BTD: variants seen among roughly 807,000 people sequenced by gnomAD.
BTD encodes the protein biotinidase.
BTD carries 13 observed loss-of-function variants against 17.7 expected under a neutral mutation model. The observed-to-expected ratio is 0.74, with a 90% CI of 0.48 to 1.17. BTD has a LOEUF of 1.17. Among genes scored for constraint, BTD ranks in the 50% most tolerant of loss-of-function variants. The probability of loss-of-function intolerance (pLI) is 0.00; values close to 1 mark genes in which losing one functional copy is unlikely to be tolerated. For missense variants in BTD, 674 were observed against 650.4 expected (o/e 1.04, Z -0.39); for synonymous variants, 240 against 245.2 (o/e 0.98, Z 0.20).
At chr3:15,700,188 G>A (rs2070342025) in intron 3 of BTD, among the ~76,000 whole-genome samples, 1 of 152,098 alleles carries the variant, frequency 6.6e-6, no homozygotes, top group Non-Finnish European at 1.5e-5. Flanking sequence ...TGAACAAGGA[G>A]AACACATGGA....
chr3:15,679,974 G>C (rs1575111556), intron 3 of BTD, among the ~76,000 whole-genome samples: 1 of 152,106 alleles, frequency 6.6e-6, no homozygotes, highest in Non-Finnish European at 1.5e-5. Flanking sequence ...AAGTATAGCA[G>C]AGAATGTGCA....
In BTD at chr3:15,644,853, A is replaced by C; in HGVS notation, c.937A>C (p.Ile313Leu). Residue 313 changes from isoleucine (I) to leucine (L), a missense_variant, in exon 4 of 4, where the codon ATA becomes CTA. Ile to Leu is a conservative substitution (Grantham distance 5). Coordinates refer to ENST00000643237, the MANE Select transcript of BTD (RefSeq NM_001370658.1). ...HDMENPKSHL[I>L]IAQVAKNPVG... ...CATGGAAAATCCCAAAAGTCACCTT[A>C]TAATTGCCCAGGTGGCCAAAAATCC... The C allele has an allele frequency of 2.5e-6, 4 of 1,614,238 alleles. No homozygotes were observed. The highest frequency in any genetic ancestry group is 3.4e-6 in the Non-Finnish European group (4 of 1,180,044).
intron 3 of BTD, chr3:15,685,143 A>G: frequency 3.4e-6 from 5 of 1,460,028 alleles, no homozygotes; most frequent in Non-Finnish European, 4.8e-6. Context: ...CTAATTTTAA[A>G]CTTAAAATTT....
chr3:15,620,588 C>T (rs938970355), intron 1 of BTD, among the ~76,000 whole-genome samples: 3 of 152,180 alleles, frequency 2.0e-5, no homozygotes, highest in Non-Finnish European at 2.9e-5. Flanking sequence ...TCAATTTGTA[C>T]AGTTAGCACA....
At chr3:15,694,344 A>G (rs2069219517) in intron 3 of BTD, among the ~76,000 whole-genome samples, 1 of 152,150 alleles carries the variant, frequency 6.6e-6, no homozygotes, top group Non-Finnish European at 1.5e-5. Context: ...AAAGTAAGCA[A>G]AAAATTGTAG....
chr3:15,670,439 T>G, intron 3 of BTD: 4 of 1,613,932 alleles, frequency 2.5e-6, no homozygotes, highest in Non-Finnish European at 3.4e-6. Context: ...GTTAATGGCA[T>G]TGAATGTTAA....
chr3:15,636,327 A>G (rs1435998417), intron 2 of BTD, among the ~76,000 whole-genome samples: 3 of 152,208 alleles, frequency 2.0e-5, no homozygotes, highest in Non-Finnish European at 4.4e-5. Flanking sequence ...TCGCCCAGAT[A>G]GAACTGACCC....
At chr3:15,697,309 T>G (rs967935719) in intron 3 of BTD, 1 of 152,912 alleles carries the variant, frequency 6.5e-6, no homozygotes, top group African/African-American at 2.4e-5. Context: ...GTACCCAATA[T>G]GTAGTCTTTT....
chr3:15,616,490 C>T (rs1185151561), intron 1 of BTD, among the ~76,000 whole-genome samples: 3 of 152,042 alleles, frequency 2.0e-5, no homozygotes, highest in Admixed American at 6.5e-5. Flanking sequence ...GTGGCAGGCG[C>T]CTGTAATCCC....
At position 15,653,033 on chromosome 3, in the gene BTD, G is replaced by A. The variant is rs575974451; in HGVS notation, c.*7545G>A. Among the ~76,000 whole-genome samples the A allele has an allele frequency of 9.2e-5, 14 of 152,308 alleles. No individual in the cohort carries two copies. In the South Asian group the frequency reaches 1.2e-3, roughly 14 times the overall value. On this transcript the variant is annotated 3_prime_UTR_variant, in exon 4 of 4. Transcript: ENST00000643237. ...CAGTGGCCAGGAAAACCTCCTGCCC[G>A]CAGAATTTTGTCTAATCCACCCCAG...
chr3:15,642,607 A>G (rs1314259525), intron 3 of BTD, among the ~76,000 whole-genome samples: 1 of 151,502 alleles, frequency 6.6e-6, no homozygotes, highest in Non-Finnish European at 1.5e-5. Flanking sequence ...GGCACCCACC[A>G]CCACGCCCGG....
At position 15,649,990 on chromosome 3, in the gene BTD, T is replaced by C. The variant is rs549977693; in HGVS notation, c.*4502T>C. Among the ~76,000 whole-genome samples, 7 of 152,352 alleles carry C rather than the reference T, an allele frequency of 4.6e-5. No homozygotes were observed. Among genetic ancestry groups the C allele is most frequent in the African/African-American group, 1.7e-4 (7 of 41,588 alleles). Reference sequence around the variant, plus strand: ...AAACTGACAGAGAGATATTAATGAATTGCCCACATGCAAATATGTGCTGAG... The same window carrying C: ...AAACTGACAGAGAGATATTAATGAACTGCCCACATGCAAATATGTGCTGAG... On this transcript the variant is annotated 3_prime_UTR_variant, in exon 4 of 4. Transcript: ENST00000643237.
At chr3:15,710,893 A>G (rs1292744563) in exon 4 of BTD, among the ~76,000 whole-genome samples, 1 of 152,144 alleles carries the variant, frequency 6.6e-6, no homozygotes, top group Non-Finnish European at 1.5e-5. Flanking sequence ...GAATATTCCC[A>G]GTATTTTGAT....
Position 15,645,038 on chromosome 3 carries a change from T to C in BTD, c.1122T>C (p.Phe374=). 1 of 1,614,214 alleles carries C rather than the reference T, an allele frequency of 6.2e-7. No homozygotes were observed. The highest frequency in any genetic ancestry group is 8.5e-7 in the Non-Finnish European group (1 of 1,180,040). The change falls in exon 4 of 4, where the codon TTT becomes TTC. Residue 374 remains phenylalanine (F), a synonymous_variant. Transcript: ENST00000643237. ...GGAACGTGAATGCTCCTCCCACATT[T>C]CACTCTGAGATGATGTATGACAATT... The part of the protein sequence containing the change: ...TKWNVNAPPT[F]HSEMMYDNFT...
chr3:15,659,685 AG>A (rs1301987346), intron 3 of BTD, among the ~76,000 whole-genome samples: 17 of 152,350 alleles, frequency 1.1e-4, no homozygotes, highest in Admixed American at 1.0e-3. Context: ...ATGACCATGT[AG>A]ATTAGGGAAC....
intron 1 of BTD, 170 bp downstream of exon 1, chr3:15,602,064 A>C: frequency 6.9e-7 from 1 of 1,448,358 alleles, no homozygotes; most frequent in Non-Finnish European, 9.1e-7. Context: ...CTGCTGTGCT[A>C]CCGCGTTGCG....
In BTD at chr3:15,686,196, T is replaced by G. The variant is rs201672117; in HGVS notation, c.400-23864T>G. ...GTTTTCGAAATACGCCCTTCTGTGA[T>G]GCAACAATTATTTATCGAAACTTAC... On this transcript the variant is annotated intron_variant, in intron 3 of 3. Coordinates refer to the BTD transcript ENST00000672141. 8.1e-5 allele frequency: 128 copies of G among 1,589,402 alleles called. No homozygotes were observed. The African/African-American group carries it at 1.6e-3, about 19-fold the overall frequency.
At chr3:15,630,897 C>T (rs1282265552) in intron 1 of BTD, among the ~76,000 whole-genome samples, 2 of 152,120 alleles carry the variant, frequency 1.3e-5, no homozygotes, top group Non-Finnish European at 2.9e-5. Flanking sequence ...TGTGGAGCTT[C>T]TTGTTCCAGG....
chr3:15,671,206 C>T lies in BTD; in HGVS notation c.399+29149C>T, dbSNP rs555865347. On this transcript the variant is annotated intron_variant, in intron 3 of 3. Transcript: ENST00000672141. The stretch of plus-strand genomic sequence containing the variant: ...CAAATATTTCCTTTGTAAATATTCC[C>T]TTTTTTTAAGCGGAAGACAACTGAC... Among the ~76,000 whole-genome samples the T allele has an allele frequency of 7.9e-5, 12 of 152,178 alleles. No individual in the cohort carries two copies. In the East Asian group the frequency reaches 2.1e-3, roughly 27 times the overall value.
Sources: gnomAD v4.1 joint callset for allele counts (sites outside exome capture counted in the v4.1 genomes callset) on GRCh38, gnomAD v4.1.1 for gene constraint, MANE v1.5 for transcripts, NCBI Gene and HGNC (gene_info 2026-07-23, HGNC 2026-07-21) for gene names.